The following DCC variants were observed in gnomAD, a reference collection of about 807,000 sequenced individuals.
The protein encoded by DCC is DCC netrin 1 receptor, also known as netrin receptor DCC.
DCC carries 58 observed loss-of-function variants against 172.5 expected under a neutral mutation model. That is an observed-to-expected ratio of 0.34 (90% CI 0.27 to 0.42). The LOEUF (loss-of-function observed/expected upper bound fraction) is 0.42. DCC is among the 10% of genes least tolerant of loss of function. The probability of loss-of-function intolerance (pLI) is 1.00; values close to 1 mark genes in which losing one functional copy is unlikely to be tolerated. For missense variants in DCC, 1,740 were observed against 1,791.0 expected (o/e 0.97, Z 0.51); for synonymous variants, 709 against 644.5 (o/e 1.10, Z -1.52).
At position 53,215,326 on chromosome 18, in the gene DCC, T is replaced by C. The variant is rs191551936; in HGVS notation, c.1862-222T>C. On this transcript the variant is annotated intron_variant, in intron 11 of 28. Transcript: ENST00000442544. Reference sequence around the variant, plus strand: ...TTGCGTAACAGTTTTAGGGGCTCCCTACATAGGTAAGTTAACTGGCTAGCG... The same window carrying C: ...TTGCGTAACAGTTTTAGGGGCTCCCCACATAGGTAAGTTAACTGGCTAGCG... Among the ~76,000 whole-genome samples the C allele has an allele frequency of 1.6e-3, 241 of 151,776 alleles. 1 individual carries two copies. Among genetic ancestry groups the C allele is most frequent in the African/African-American group, 5.2e-3 (215 of 41,382 alleles).
rs144473574 is a variant in DCC at position 52,428,011 on chromosome 18, G to A, written c.91+87133G>A. On this transcript the variant is annotated intron_variant, in intron 1 of 28. Coordinates refer to ENST00000442544, the MANE Select transcript of DCC (RefSeq NM_005215.4). ...AAAGTCACGTCTCTAGGACCAAATT[G>A]TCTTGGCTTCGTGGCTCATGTGTTT... is the stretch of plus-strand genomic sequence containing the variant. 2.6e-3 allele frequency among the ~76,000 whole-genome samples: 398 copies of A among 152,082 alleles called. 2 individuals are homozygous for A. Among genetic ancestry groups the A allele is most frequent in the South Asian group, 4.4e-3 (21 of 4,810 alleles).
chr18:52,389,783 C>A (rs1193424623), intron 1 of DCC, among the ~76,000 whole-genome samples: 1 of 152,026 alleles, frequency 6.6e-6, no homozygotes, highest in Admixed American at 6.6e-5. Context: ...GGTCCTCCAT[C>A]ATTTGATTTA....
chr18:53,432,393 T>G (rs890910952), intron 21 of DCC, among the ~76,000 whole-genome samples: 1 of 152,184 alleles, frequency 6.6e-6, no homozygotes, highest in African/African-American at 2.4e-5. Context: ...TTGCATGTAG[T>G]AAGCATTTAA....
intron 1 of DCC, among the ~76,000 whole-genome samples, chr18:52,748,878 A>G (rs2036950786): frequency 6.6e-6 from 1 of 152,186 alleles, no homozygotes; most frequent in African/African-American, 2.4e-5. Context: ...GTAGCCATGG[A>G]AAAGGCAATA....
intron 1 of DCC, among the ~76,000 whole-genome samples, chr18:52,604,075 CTTAA>C (rs953857571): frequency 6.6e-6 from 1 of 151,666 alleles, no homozygotes; most frequent in African/African-American, 2.4e-5. Context: ...TAGAAAAGTT[CTTAA>C]TTAATTAGCT....
intron 1 of DCC, among the ~76,000 whole-genome samples, chr18:52,556,499 G>A (rs1201262221): frequency 6.6e-6 from 1 of 152,072 alleles, no homozygotes; most frequent in Non-Finnish European, 1.5e-5. Flanking sequence ...CTGTGCTCAT[G>A]GTTAGAACAT....
intron 18 of DCC, among the ~76,000 whole-genome samples, chr18:53,400,687 A>G (rs925332060): frequency 6.6e-6 from 1 of 152,154 alleles, no homozygotes; most frequent in East Asian, 1.9e-4. Flanking sequence ...TTATTCACCA[A>G]TATTCACATG....
At chr18:53,278,355 C>T (rs1253822620) in intron 12 of DCC, among the ~76,000 whole-genome samples, 1 of 152,038 alleles carries the variant, frequency 6.6e-6, no homozygotes, top group Non-Finnish European at 1.5e-5. Context: ...GTAACATTGA[C>T]ACAGCAAGGT....
chr18:52,674,265 A>G (rs2035608855), intron 1 of DCC, among the ~76,000 whole-genome samples: 1 of 152,140 alleles, frequency 6.6e-6, no homozygotes, highest in African/African-American at 2.4e-5. Flanking sequence ...AAATCTTGGT[A>G]TAGCTGATGG....
intron 28 of DCC, among the ~76,000 whole-genome samples, chr18:53,528,525 T>C (rs892807468): frequency 3.9e-5 from 6 of 152,128 alleles, no homozygotes; most frequent in African/African-American, 1.4e-4. Context: ...AAAGGTTGAC[T>C]CTAAAGAATG....
intron 5 of DCC, among the ~76,000 whole-genome samples, chr18:52,985,845 A>T (rs2041284676): frequency 6.6e-6 from 1 of 152,120 alleles, no homozygotes. Flanking sequence ...AAGCTTCAAG[A>T]ACCCTTTCTT....
intron 1 of DCC, among the ~76,000 whole-genome samples, chr18:52,514,317 G>T (rs2031548016): frequency 1.3e-5 from 2 of 152,120 alleles, no homozygotes; most frequent in Non-Finnish European, 2.9e-5. Context: ...CTTAGACATG[G>T]TTTTTTTTAT....
chr18:52,422,173 G>A (rs967457782), intron 1 of DCC, among the ~76,000 whole-genome samples: 6 of 152,240 alleles, frequency 3.9e-5, no homozygotes, highest in Middle Eastern at 3.4e-3. Context: ...GTGAATGCGT[G>A]AATAAATGAA....
intron 1 of DCC, among the ~76,000 whole-genome samples, chr18:52,702,029 A>AT (rs1490672720): frequency 6.6e-6 from 1 of 152,032 alleles, no homozygotes; most frequent in Non-Finnish European, 1.5e-5. Flanking sequence ...TCTGTATGGT[A>AT]TATAAGCCCT....
rs545770418 is a variant in DCC, at chr18:53,310,651, T to G, written c.2053+4932T>G. ...CAGGGAAGGTTGTTTGAATTGAATT[T>G]AAGAGTTTTCTTGTGTTTCATGGTC... is the stretch of plus-strand genomic sequence containing the variant. On this transcript the variant is annotated intron_variant, in intron 13 of 28. Transcript: ENST00000442544. Among the ~76,000 whole-genome samples the G allele has an allele frequency of 2.7e-3, 404 of 152,290 alleles. 1 individual carries two copies. Among genetic ancestry groups the G allele is most frequent in the African/African-American group, 9.1e-3 (380 of 41,562 alleles).
At chr18:52,669,672 T>A (rs1471371724) in intron 1 of DCC, among the ~76,000 whole-genome samples, 1 of 152,212 alleles carries the variant, frequency 6.6e-6, no homozygotes, top group Non-Finnish European at 1.5e-5. Context: ...TTATTCAAAG[T>A]ATCTAGAAAT....
At chr18:52,439,441 T>C (rs1987905300) in intron 1 of DCC, among the ~76,000 whole-genome samples, 2 of 152,106 alleles carry the variant, frequency 1.3e-5, no homozygotes, top group Non-Finnish European at 2.9e-5. Flanking sequence ...GGGTGAGAAA[T>C]GGCCTTAGGG....
intron 5 of DCC, among the ~76,000 whole-genome samples, chr18:53,053,346 CTTGTT>C (rs1243503594): frequency 2.0e-5 from 3 of 152,016 alleles, no homozygotes; most frequent in Non-Finnish European, 4.4e-5. Flanking sequence ...TCCAGAAACA[CTTGTT>C]TTGATTTTGT....
chr18:52,397,973 G>A (rs1228616336), intron 1 of DCC, among the ~76,000 whole-genome samples: 1 of 151,964 alleles, frequency 6.6e-6, no homozygotes, highest in African/African-American at 2.4e-5. Context: ...TGATTGGGGT[G>A]TTTGATTTGT....
Sources: allele counts gnomAD v4.1 joint callset (sites outside exome capture counted in the v4.1 genomes callset), GRCh38; gene constraint gnomAD v4.1.1; transcripts MANE v1.5; gene names NCBI Gene and HGNC (gene_info 2026-07-23, HGNC 2026-07-21).